The following CD5 variants were observed in gnomAD, a reference collection of about 807,000 sequenced individuals.
CD5 encodes the protein CD5 molecule.
A neutral mutation model predicts 60.3 loss-of-function variants in CD5; 36 were observed. The observed-to-expected ratio is 0.60, with a 90% CI of 0.46 to 0.79. The LOEUF (loss-of-function observed/expected upper bound fraction) is 0.79. Among genes scored for constraint, CD5 ranks in the 30% least tolerant of loss-of-function variants. The pLI, the probability that CD5 is intolerant of heterozygous loss-of-function variation, is 0.00. For missense variants in CD5, 540 were observed against 630.6 expected (o/e 0.86, Z 1.54); for synonymous variants, 230 against 257.6 (o/e 0.89, Z 1.03).
chr11:61,117,559 G>T (rs1860984410), intron 2 of CD5, among the ~76,000 whole-genome samples: 1 of 152,054 alleles, frequency 6.6e-6, no homozygotes, highest in Non-Finnish European at 1.5e-5. Flanking sequence ...CGCGATCTTG[G>T]CTCACTGCAA....
At chr11:61,121,258 A>C (rs1484575559) in intron 5 of CD5, among the ~76,000 whole-genome samples, 3 of 149,286 alleles carry the variant, frequency 2.0e-5, no homozygotes, top group Admixed American at 2.0e-4. Context: ...TGAGAAGTGG[A>C]CCTAGGTGGA....
At chr11:61,099,221 C>T (rs1368527650), upstream of CD5, among the ~76,000 whole-genome samples, 4 of 151,402 alleles carry the variant, frequency 2.6e-5, no homozygotes, top group African/African-American at 9.7e-5. Context: ...CACCTCAACA[C>T]GGAGATCACA....
intron 2 of CD5, among the ~76,000 whole-genome samples, chr11:61,117,118 G>A (rs988230328): frequency 4.6e-5 from 7 of 152,358 alleles, no homozygotes; most frequent in Admixed American, 6.5e-5. Context: ...TGGCATGTCC[G>A]TGTAGTGAAC....
chr11:61,110,686 C>T (rs1280018763), intron 1 of CD5, among the ~76,000 whole-genome samples: 13 of 152,200 alleles, frequency 8.5e-5, no homozygotes, highest in African/African-American at 4.8e-5. Flanking sequence ...GGTTTGAGTT[C>T]GGGCCCCAGC....
At chr11:61,101,680 C>A (rs964929618), upstream of CD5, among the ~76,000 whole-genome samples, 10 of 140,984 alleles carry the variant, frequency 7.1e-5, no homozygotes, top group East Asian at 1.8e-3. Context: ...ATCAACATGG[C>A]GATCACAATC....
chr11:61,096,019 A>G, the CD5 span, among the ~76,000 whole-genome samples: 1 of 152,236 alleles, frequency 6.6e-6, no homozygotes, highest in Non-Finnish European at 1.5e-5. Context: ...GAAATAGTCA[A>G]TCAAGTGTTT....
chr11:61,098,330 CATG>C (rs1244443646), upstream of CD5, among the ~76,000 whole-genome samples: 5 of 152,130 alleles, frequency 3.3e-5, no homozygotes, highest in Non-Finnish European at 7.3e-5. Context: ...TGCAAGAAGA[CATG>C]GTAGTGAAAA....
At chr11:61,101,768 G>T (rs1247574263), upstream of CD5, among the ~76,000 whole-genome samples, 1 of 149,272 alleles carries the variant, frequency 6.7e-6, no homozygotes, top group African/African-American at 2.5e-5. Flanking sequence ...CATCAACATG[G>T]AGTTCACACA....
chr11:61,102,758 C>T, intron 1 of CD5, 143 bp downstream of exon 1: 1 of 721,612 alleles, frequency 1.4e-6, no homozygotes, highest in African/African-American at 1.8e-5. Flanking sequence ...CACTGGGATC[C>T]CTGCCTGCCC....
the CD5 span, among the ~76,000 whole-genome samples, chr11:61,094,298 TC>T: frequency 6.6e-6 from 1 of 151,704 alleles, no homozygotes; most frequent in Non-Finnish European, 1.5e-5. Context: ...GCACTTGGAG[TC>T]CGGACAACTG....
At chr11:61,121,991 C>G (rs1398940680) in intron 6 of CD5, 87 bp downstream of exon 6, 29 of 1,202,436 alleles carry the variant, frequency 2.4e-5, no homozygotes, top group African/African-American at 3.1e-5. Flanking sequence ...TAAAGGGAAG[C>G]CCTGGGGAGC....
the CD5 span, among the ~76,000 whole-genome samples, chr11:61,094,570 G>GT: frequency 6.6e-6 from 1 of 152,056 alleles, no homozygotes; most frequent in Non-Finnish European, 1.5e-5. Flanking sequence ...TTTGGTTTTG[G>GT]TTTTGACCTG....
At chr11:61,117,195 A>G (rs753680456) in intron 2 of CD5, among the ~76,000 whole-genome samples, 1 of 152,240 alleles carries the variant, frequency 6.6e-6, no homozygotes, top group African/African-American at 2.4e-5. Flanking sequence ...TCTCAAATAC[A>G]TGCTAAGCGA....
At chr11:61,125,895 G>T in intron 10 of CD5, 54 bp downstream of exon 10, 1 of 1,307,122 alleles carries the variant, frequency 7.7e-7, no homozygotes, top group African/African-American at 1.5e-5. Context: ...ACAGTCCTGG[G>T]GGTGAGCAGC....
the CD5 span, among the ~76,000 whole-genome samples, chr11:61,094,795 C>T: frequency 6.6e-6 from 1 of 152,110 alleles, no homozygotes; most frequent in South Asian, 2.1e-4. Context: ...TCTGGAGTCA[C>T]TATGACACCA....
intron 10 of CD5, among the ~76,000 whole-genome samples, 181 bp downstream of exon 10, chr11:61,126,022 A>C (rs1436375689): frequency 6.6e-6 from 1 of 152,236 alleles, no homozygotes; most frequent in Non-Finnish European, 1.5e-5. Flanking sequence ...ATACGAGCTG[A>C]TTTGACAATT....
chr11:61,100,948 C>T (rs1249277017), upstream of CD5, among the ~76,000 whole-genome samples: 1 of 141,200 alleles, frequency 7.1e-6, no homozygotes, highest in Non-Finnish European at 1.5e-5. Flanking sequence ...ATGGAGATTA[C>T]ACACACATCA....
At chr11:61,100,459 A>ATT (rs1327227735), upstream of CD5, among the ~76,000 whole-genome samples, 2 of 148,560 alleles carry the variant, frequency 1.3e-5, no homozygotes, top group Non-Finnish European at 1.5e-5. Flanking sequence ...TGGAGATTAC[A>ATT]CACACACATC....
In CD5 at chr11:61,127,697, G is replaced by A. The variant is rs894048051; in HGVS notation, c.*1412G>A. The stretch of plus-strand genomic sequence containing the variant: ...AAGGGAACTGAGAGGCTGCTCTTAG[G>A]GAGGGCAAAGGTTCGGGGGCAGCCA... On this transcript the variant is annotated 3_prime_UTR_variant, in exon 11 of 11. Transcript: ENST00000347785. 2 of 152,224 alleles carry A rather than the reference G, an allele frequency of 1.3e-5. No individual in the cohort carries two copies. Among genetic ancestry groups the A allele is most frequent in the African/African-American group, 4.8e-5 (2 of 41,456 alleles). The allele number at this position is 152,224 out of a possible 1,614,324, so 9.4% of individuals were successfully genotyped here.
Sources: gnomAD v4.1 joint callset for allele counts (sites outside exome capture counted in the v4.1 genomes callset) on GRCh38, gnomAD v4.1.1 for gene constraint, MANE v1.5 for transcripts, NCBI Gene and HGNC (gene_info 2026-07-23, HGNC 2026-07-21) for gene names.